The following SLC9C2 variants were observed in gnomAD, a reference collection of about 807,000 sequenced individuals.
SLC9C2 encodes the protein solute carrier family 9 member C2 (putative).
Under a neutral mutation model 140.2 loss-of-function variants are expected in SLC9C2, and 75 were observed. The observed-to-expected ratio is 0.53, with a 90% CI of 0.44 to 0.65. The LOEUF is 0.65. Ranked by LOEUF, SLC9C2 falls within the 30% of genes least tolerant of loss-of-function variation. SLC9C2 has a pLI of 0.00. For missense variants in SLC9C2, 1,074 were observed against 1,331.8 expected, an observed-to-expected ratio of 0.81 and a Z score of 3.01; for synonymous variants, 375 against 420.9, an observed-to-expected ratio of 0.89 and a Z score of 1.34.
In SLC9C2 at chr1:173,576,730, G is replaced by A. The variant is rs370760195; in HGVS notation, c.833C>T (p.Ala278Val). The A allele has an allele frequency of 6.2e-7, 1 of 1,605,584 alleles. No homozygotes were observed. The highest frequency in any genetic ancestry group is 1.3e-5 in the African/African-American group (1 of 74,354). Residue 278 changes from alanine to valine, a missense_variant, in exon 8 of 28, where the codon GCC (alanine) becomes GTC (valine). By Grantham distance (64) the Ala-to-Val change is moderately conservative. Transcript: ENST00000367714. The stretch of plus-strand genomic sequence containing the variant: ...TAAATTCAGTCCTACAGCGGCTAAG[G>A]CAAGAGTGCCTGACATTCCTAAAAA... The part of the protein sequence containing the change: ...VEFLGMSGTL[A>V]LAAVGLNLDS...
At chr1:173,503,462 T>G in intron 26 of SLC9C2, 136 bp from the exon 27 acceptor site, 1 of 785,070 alleles carries the variant, frequency 1.3e-6, no homozygotes, top group Non-Finnish European at 2.0e-6. Flanking sequence ...CAAATGTCCC[T>G]GTTTTTCTTC....
intron 24 of SLC9C2, among the ~76,000 whole-genome samples, chr1:173,509,108 G>C (rs996647479): frequency 1.3e-5 from 2 of 151,972 alleles, no homozygotes; most frequent in African/African-American, 4.8e-5. Context: ...TAGGAACTCA[G>C]GATAAGAGAG....
intron 22 of SLC9C2, among the ~76,000 whole-genome samples, chr1:173,519,229 A>G (rs1660634626): frequency 2.0e-5 from 3 of 152,116 alleles, no homozygotes; most frequent in African/African-American, 7.2e-5. Context: ...GAGGACCTGC[A>G]TGCAAGGACA....
intron 4 of SLC9C2, among the ~76,000 whole-genome samples, chr1:173,589,528 C>T (rs1271851833): frequency 1.3e-5 from 2 of 151,952 alleles, no homozygotes; most frequent in East Asian, 3.9e-4. Flanking sequence ...CCACTGTACT[C>T]TATCCTGGGT....
rs760744580 is a variant in SLC9C2 at position 173,583,538 on chromosome 1, C to T, written c.608G>A (p.Arg203Gln). 12 of 1,609,126 alleles carry T rather than the reference C, an allele frequency of 7.5e-6. No individual in the cohort carries two copies. The highest frequency in any genetic ancestry group is 1.7e-4 in the Middle Eastern group (1 of 6,060). ...SIASIFFGNF[R>Q]GNRIHFSIFR... ...AATAGAAAAGTGGATTCTGTTGCCC[C>T]GAAAATTTCCAAAAAAAATTGATGC... Residue 203 changes from arginine (R) to glutamine (Q), a missense_variant, in exon 6 of 28, where the codon CGG becomes CAG. Transcript: ENST00000367714.
intron 9 of SLC9C2, among the ~76,000 whole-genome samples, chr1:173,566,812 C>T (rs544733733): frequency 1.3e-4 from 20 of 149,896 alleles, no homozygotes; most frequent in African/African-American, 4.6e-4. Context: ...GATGTAGGCA[C>T]ATGTAACTAT....
chr1:173,580,210 G>A (rs1280804140), intron 7 of SLC9C2, among the ~76,000 whole-genome samples: 2 of 152,116 alleles, frequency 1.3e-5, no homozygotes, highest in East Asian at 3.8e-4. Context: ...TCAACATAAT[G>A]TCACTTGAAC....
chr1:173,572,978 T>C (rs568208752), intron 9 of SLC9C2, among the ~76,000 whole-genome samples: 5 of 152,306 alleles, frequency 3.3e-5, no homozygotes, highest in Non-Finnish European at 5.9e-5. Context: ...GTGACGCCGA[T>C]CCCTCTCATT....
At chr1:173,540,919 C>T (rs1443572593) in intron 13 of SLC9C2, among the ~76,000 whole-genome samples, 1 of 152,264 alleles carries the variant, frequency 6.6e-6, no homozygotes, top group African/African-American at 2.4e-5. Context: ...TTGTAAAGAC[C>T]ATCTATGCTG....
chr1:173,584,985 A>G (rs1315019688), intron 5 of SLC9C2, among the ~76,000 whole-genome samples: 2 of 152,214 alleles, frequency 1.3e-5, no homozygotes, highest in Non-Finnish European at 2.9e-5. Flanking sequence ...TGGAAAAGAA[A>G]AGAATAAAAC....
At chr1:173,527,122 G>A (rs1375027739) in intron 18 of SLC9C2, among the ~76,000 whole-genome samples, 1 of 152,104 alleles carries the variant, frequency 6.6e-6, no homozygotes, top group African/African-American at 2.4e-5. Context: ...TGGGATTACA[G>A]GCATAAGCCA....
chr1:173,567,538 T>C (rs182511112), intron 9 of SLC9C2, among the ~76,000 whole-genome samples: 86 of 152,264 alleles, frequency 5.6e-4, no homozygotes, highest in Non-Finnish European at 1.0e-3. Context: ...ATTGTCAGTC[T>C]ATATGTATCT....
chr1:173,598,052 C>G lies in SLC9C2; in HGVS notation c.229-20G>C. 1 of 1,564,774 alleles carries G rather than the reference C, an allele frequency of 6.4e-7. No individual in the cohort carries two copies. The highest frequency in any genetic ancestry group is 1.4e-5 in the African/African-American group (1 of 72,518). The stretch of plus-strand genomic sequence containing the variant: ...GTGCACCTAAAGTAACAAAGGCAAA[C>G]AAGAAATTAGTTTGCTACCATTTCC... On this transcript the variant is annotated intron_variant, in intron 3 of 27. Coordinates refer to ENST00000367714, the MANE Select transcript of SLC9C2 (RefSeq NM_178527.4).
intron 26 of SLC9C2, among the ~76,000 whole-genome samples, chr1:173,504,927 C>T (rs1659523382): frequency 1.3e-5 from 2 of 152,194 alleles, no homozygotes; most frequent in Non-Finnish European, 2.9e-5. Flanking sequence ...CTGTTCCCTC[C>T]CCATTCTTGC....
intron 4 of SLC9C2, 114 bp from the exon 5 acceptor site, chr1:173,587,944 G>T: frequency 1.3e-6 from 1 of 754,140 alleles, no homozygotes; most frequent in Non-Finnish European, 2.0e-6. Flanking sequence ...AATTACCCTG[G>T]AAGATAACTT....
intron 14 of SLC9C2, 104 bp from the exon 15 acceptor site, chr1:173,536,053 C>A (rs1401169470): frequency 2.0e-6 from 2 of 1,011,144 alleles, no homozygotes; most frequent in Non-Finnish European, 2.7e-6. Context: ...TAATATGGAC[C>A]CACCAAATAA....
intron 3 of SLC9C2, among the ~76,000 whole-genome samples, chr1:173,599,685 C>A (rs1168178732): frequency 6.6e-6 from 1 of 151,748 alleles, no homozygotes; most frequent in Non-Finnish European, 1.5e-5. Context: ...CTCACTGCAA[C>A]CTCCATCTCC....
At position 173,523,825 on chromosome 1, in the gene SLC9C2, T is replaced by C. The variant is rs1020180832; in HGVS notation, c.2640+144A>G. On this transcript the variant is annotated intron_variant, in intron 21 of 27. Coordinates refer to ENST00000367714, the MANE Select transcript of SLC9C2 (RefSeq NM_178527.4). ...GGCTCAAAAAGAGATCTAGTCTTCC[T>C]CTAGGCTTTCCTGGGCCTCCATTTT... 4 of 1,090,566 alleles carry C rather than the reference T, an allele frequency of 3.7e-6. No homozygotes were observed. The African/African-American group carries it at 6.4e-5, about 17-fold the overall frequency. The allele number at this position is 1,090,566 out of a possible 1,614,324, so 67.6% of individuals were successfully genotyped here.
At chr1:173,588,283 G>C (rs1183011128) in intron 4 of SLC9C2, among the ~76,000 whole-genome samples, 1 of 152,114 alleles carries the variant, frequency 6.6e-6, no homozygotes, top group Non-Finnish European at 1.5e-5. Context: ...TTCTGCAATA[G>C]AGAAAGGGAA....
Sources: allele counts gnomAD v4.1 joint callset (sites outside exome capture counted in the v4.1 genomes callset), GRCh38; gene constraint gnomAD v4.1.1; transcripts MANE v1.5; gene names NCBI Gene and HGNC (gene_info 2026-07-23, HGNC 2026-07-21).